PI15: variants seen among roughly 807,000 people sequenced by gnomAD.
PI15 encodes the protein peptidase inhibitor 15, also known as 25 kDa trypsin inhibitor.
PI15 carries 18 observed loss-of-function variants against 31.0 expected under a neutral mutation model. The observed-to-expected ratio is 0.58, with a 90% confidence interval of 0.40 to 0.86. The LOEUF (loss-of-function observed/expected upper bound fraction) is 0.86, where lower values mean the gene tolerates loss of function less well. PI15 is among the 40% of genes least tolerant of loss of function. PI15 has a pLI of 0.00. For missense variants in PI15, 282 were observed against 328.1 expected (o/e 0.86, Z 1.09); for synonymous variants, 118 against 119.1 (o/e 0.99, Z 0.06).
At chr8:74,848,201 A>T (rs1313048316) in intron 5 of PI15, among the ~76,000 whole-genome samples, 1 of 152,180 alleles carries the variant, frequency 6.6e-6, no homozygotes, top group South Asian at 2.1e-4. Context: ...CTAATTTAAA[A>T]CAATTAGTAG....
intron 5 of PI15, chr8:74,845,842 T>C (rs1299580742): frequency 1.1e-5 from 2 of 185,990 alleles, no homozygotes; most frequent in Admixed American, 5.4e-5. Flanking sequence ...TCTTCCATGA[T>C]ATTCTCATCT....
rs1811119278 is a variant in PI15 at position 74,852,317 on chromosome 8, A to G, written c.*3064A>G. ...TTCCATATCATCAAAAGACTGAAAA[A>G]TTATAATTTTAGAATTAAACTGATG... On this transcript the variant is annotated 3_prime_UTR_variant, in exon 6 of 6. Transcript: ENST00000260113. 6.6e-6 allele frequency: 1 copy of G among 152,116 alleles called. No individual in the cohort carries two copies. The highest frequency in any genetic ancestry group is 6.5e-5 in the Admixed American group (1 of 15,268). The allele number at this position is 152,116 out of a possible 1,614,324, so 9.4% of individuals were successfully genotyped here.
intron 2 of PI15, among the ~76,000 whole-genome samples, chr8:74,841,583 G>A (rs1161538598): frequency 1.3e-5 from 2 of 152,204 alleles, no homozygotes; most frequent in African/African-American, 2.4e-5. Context: ...GCACACTCTA[G>A]TCCAATATGT....
chr8:74,852,287 G>C lies in PI15; in HGVS notation c.*3034G>C, dbSNP rs1039586026. 1 of 151,816 alleles carries C rather than the reference G, an allele frequency of 6.6e-6. No homozygotes were observed. Among genetic ancestry groups the C allele is most frequent in the Non-Finnish European group, 1.5e-5 (1 of 67,904 alleles). The allele number at this position is 151,816 out of a possible 1,614,324, so 9.4% of individuals were successfully genotyped here. A position where few individuals can be genotyped will look rare whatever the true frequency, so the allele number is the denominator to read the frequency against. On this transcript the variant is annotated 3_prime_UTR_variant, in exon 6 of 6. Coordinates refer to ENST00000260113, the MANE Select transcript of PI15 (RefSeq NM_015886.5). ...TTAATATTCTCACAATATAGGTTTT[G>C]GGGCTTCCATATCATCAAAAGACTG...
chr8:74,835,273 C>G (rs1810846627), intron 2 of PI15, among the ~76,000 whole-genome samples: 1 of 152,022 alleles, frequency 6.6e-6, no homozygotes, highest in African/African-American at 2.4e-5. Flanking sequence ...GTATTTCAAC[C>G]AATAAAGTCA....
Position 74,851,235 on chromosome 8 carries a change from T to C in PI15, c.*1982T>C, listed in dbSNP as rs1316816695. On this transcript the variant is annotated 3_prime_UTR_variant, in exon 6 of 6. Transcript: ENST00000260113. ...CATTATTTAGGTCTTAATCCAACTT[T>C]TTTCTAATATATCTAAACAATTGAA... The C allele has an allele frequency of 6.6e-6, 1 of 152,178 alleles. No individual in the cohort carries two copies. The highest frequency in any genetic ancestry group is 1.5e-5 in the Non-Finnish European group (1 of 67,988). The allele number at this position is 152,178 out of a possible 1,614,324, so 9.4% of individuals were successfully genotyped here. A position where few individuals can be genotyped will look rare whatever the true frequency, so the allele number is the denominator to read the frequency against.
At position 74,825,370 on chromosome 8, in the gene PI15, G is replaced by C. The variant is rs1323726012; in HGVS notation, c.121G>C (p.Glu41Gln). 3 of 1,613,438 alleles carry C rather than the reference G, an allele frequency of 1.9e-6. No homozygotes were observed. Among genetic ancestry groups the C allele is most frequent in the African/African-American group, 2.7e-5 (2 of 74,950 alleles). ...GCCAACCAATAATTTCACTGATATT[G>C]AAGCAGCTCTGAAAGCACAATTAGA... Reference protein sequence around the residue: ...SPPTNNFTDIEAALKAQLDSA... With the variant: ...SPPTNNFTDIQAALKAQLDSA... The change falls in exon 2 of 6, where the codon GAA becomes CAA. Residue 41 changes from glutamate (E) to glutamine (Q), a missense_variant. Transcript: ENST00000260113.
rs993730439 is a variant in PI15, at chr8:74,853,214, A to G, written c.*3961A>G. ...TAAGTTTTGAAGTTTCTTAGCAATT[A>G]AAGTTTTTTTATTCAGTGTGAACTG... On this transcript the variant is annotated 3_prime_UTR_variant, in exon 6 of 6. Transcript: ENST00000260113. The G allele has an allele frequency of 6.6e-6, 1 of 152,532 alleles. No individual in the cohort carries two copies. The highest frequency in any genetic ancestry group is 1.5e-5 in the Non-Finnish European group (1 of 67,954). 9.4% of individuals were successfully genotyped at this position (152,532 alleles called of 1,614,324 possible).
chr8:74,847,483 T>G (rs1811042680), intron 5 of PI15, among the ~76,000 whole-genome samples: 1 of 151,402 alleles, frequency 6.6e-6, no homozygotes, highest in Non-Finnish European at 1.5e-5. Context: ...AATAAGATTA[T>G]GAATGGTACA....
At chr8:74,833,392 G>A (rs1810816115) in intron 2 of PI15, among the ~76,000 whole-genome samples, 1 of 151,820 alleles carries the variant, frequency 6.6e-6, no homozygotes, top group African/African-American at 2.4e-5. Flanking sequence ...TCTTTTGCCT[G>A]TAAGCAAGCT....
intron 2 of PI15, among the ~76,000 whole-genome samples, chr8:74,838,712 T>C (rs1438129597): frequency 6.6e-6 from 1 of 152,176 alleles, no homozygotes; most frequent in Non-Finnish European, 1.5e-5. Flanking sequence ...ATTTCTACAT[T>C]TAATTTTTAT....
At chr8:74,827,444 C>T in intron 2 of PI15, among the ~76,000 whole-genome samples, 1 of 152,118 alleles carries the variant, frequency 6.6e-6, no homozygotes, top group East Asian at 1.9e-4. Flanking sequence ...TTAATTGCTT[C>T]CGTATGCCAA....
At chr8:74,826,846 G>T (rs1177877662) in intron 2 of PI15, among the ~76,000 whole-genome samples, 1 of 152,048 alleles carries the variant, frequency 6.6e-6, no homozygotes, top group African/African-American at 2.4e-5. Flanking sequence ...CTAACTAGAT[G>T]TTCAACAAAC....
intron 2 of PI15, among the ~76,000 whole-genome samples, chr8:74,841,412 C>G (rs956563822): frequency 5.3e-5 from 8 of 152,148 alleles, no homozygotes; most frequent in Non-Finnish European, 1.0e-4. Flanking sequence ...GATGAGTTAA[C>G]TGGGAGATCA....
At chr8:74,846,284 T>C (rs1811024025) in intron 5 of PI15, among the ~76,000 whole-genome samples, 1 of 152,240 alleles carries the variant, frequency 6.6e-6, no homozygotes, top group East Asian at 1.9e-4. Flanking sequence ...TGTGGTAGTA[T>C]GCCAGTGGCA....
chr8:74,837,994 A>C (rs193244208), intron 2 of PI15, among the ~76,000 whole-genome samples: 10 of 151,916 alleles, frequency 6.6e-5, no homozygotes, highest in African/African-American at 1.9e-4. Context: ...TGTTCTTTCC[A>C]TAAGTATAGC....
At chr8:74,826,998 C>A (rs1327833035) in intron 2 of PI15, among the ~76,000 whole-genome samples, 1 of 152,018 alleles carries the variant, frequency 6.6e-6, no homozygotes, top group African/African-American at 2.4e-5. Context: ...GATGAGCAAA[C>A]ACATTTTTAA....
chr8:74,844,204 G>A (rs1810987558), intron 3 of PI15, 105 bp downstream of exon 3: 2 of 728,228 alleles, frequency 2.7e-6, no homozygotes, highest in South Asian at 3.1e-5. Context: ...AATTCTTATT[G>A]AATGCTCACT....
In PI15 at chr8:74,825,312, C is replaced by T. The variant is rs146928869; in HGVS notation, c.63C>T (p.Thr21=). Residue 21 remains threonine (T), a synonymous_variant, in exon 2 of 6, where the codon ACC becomes ACT. Transcript: ENST00000260113. ...TCTCCCTTCTCTGTGAAGCAAGTACCGTCGTCCTACTCAATTCCACTGACT... is the reference window on the plus strand; with the variant it reads ...TCTCCCTTCTCTGTGAAGCAAGTACTGTCGTCCTACTCAATTCCACTGACT... ...LLFSLLCEAS[T]VVLLNSTDSS... 6.8e-6 allele frequency: 11 copies of T among 1,612,886 alleles called. No homozygotes were observed. Among genetic ancestry groups the T allele is most frequent in the South Asian group, 2.2e-5 (2 of 91,056 alleles).
Sources: allele counts gnomAD v4.1 joint callset (sites outside exome capture counted in the v4.1 genomes callset), GRCh38; gene constraint gnomAD v4.1.1; transcripts MANE v1.5; gene names NCBI Gene and HGNC (gene_info 2026-07-23, HGNC 2026-07-21).